CDK5RAP2: variants seen among roughly 807,000 people sequenced by gnomAD.
CDK5RAP2 encodes CDK5 regulatory subunit-associated protein 2.
CDK5RAP2 carries 147 observed loss-of-function variants against 232.9 expected under a neutral mutation model. The ratio of observed to expected loss-of-function variants is 0.63; its 90% CI spans 0.55 to 0.72. The LOEUF (loss-of-function observed/expected upper bound fraction) is 0.72, where lower values mean the gene tolerates loss of function less well. CDK5RAP2 is among the 30% of genes least tolerant of loss of function. The pLI is 0.00. For missense variants in CDK5RAP2, 2,195 were observed against 2,231.5 expected (o/e 0.98, Z 0.33); for synonymous variants, 833 against 833.7 (o/e 1.00, Z 0.01).
At chr9:120,463,765 T>G (rs1283244264) in intron 18 of CDK5RAP2, among the ~76,000 whole-genome samples, 1 of 152,232 alleles carries the variant, frequency 6.6e-6, no homozygotes, top group Non-Finnish European at 1.5e-5. Context: ...TCATTTCTCT[T>G]TACCTCTGCT....
At chr9:120,570,752 T>C (rs1239468740) in intron 2 of CDK5RAP2, among the ~76,000 whole-genome samples, 1 of 152,098 alleles carries the variant, frequency 6.6e-6, no homozygotes, top group African/African-American at 2.4e-5. Flanking sequence ...GGCAGAAGAA[T>C]TGCTTGAACC....
At position 120,439,833 on chromosome 9, in the gene CDK5RAP2, C is replaced by T. The variant is rs2131329380; in HGVS notation, c.3288G>A (p.Gly1096=). ...TATTAATGCTCTCTGACTGATCAGTCCCCATCACACTGACTTTAGCAGAAG... is the reference window on the plus strand; with the variant it reads ...TATTAATGCTCTCTGACTGATCAGTTCCCATCACACTGACTTTAGCAGAAG... ...SQPSAKVSVM[G]TDQSESINTS... is the part of the protein sequence containing the mutation. Residue 1096 remains glycine, a synonymous_variant, in exon 24 of 38, where the codon GGG becomes GGA. Transcript: ENST00000349780. 5 of 1,614,122 alleles carry T rather than the reference C, an allele frequency of 3.1e-6. No individual in the cohort carries two copies. The highest frequency in any genetic ancestry group is 1.7e-5 in the Admixed American group (1 of 60,002).
chr9:120,523,089 A>T (rs1188729570), intron 11 of CDK5RAP2, among the ~76,000 whole-genome samples: 2 of 152,222 alleles, frequency 1.3e-5, no homozygotes, highest in African/African-American at 4.8e-5. Flanking sequence ...AGCCAACCTG[A>T]CATGTATAAC....
At chr9:120,538,313 G>T (rs1228909584) in intron 6 of CDK5RAP2, among the ~76,000 whole-genome samples, 1 of 152,148 alleles carries the variant, frequency 6.6e-6, no homozygotes, top group East Asian at 1.9e-4. Context: ...AAGAACCAGA[G>T]TTTCAGGTAG....
intron 3 of CDK5RAP2, among the ~76,000 whole-genome samples, chr9:120,559,231 G>A (rs952443350): frequency 6.6e-6 from 1 of 152,164 alleles, no homozygotes; most frequent in Non-Finnish European, 1.5e-5. Context: ...GCTCACGCCT[G>A]TAATCCTAGC....
Position 120,491,340 on chromosome 9 carries a change from T to C in CDK5RAP2, c.1449A>G (p.Thr483=), listed in dbSNP as rs528171227. 9.3e-6 allele frequency: 15 copies of C among 1,613,724 alleles called. 1 individual carries two copies. The South Asian group carries it at 1.4e-4, about 15-fold the overall frequency. The change falls in exon 13 of 38, where the codon ACA becomes ACG. Residue 483 remains threonine, a synonymous_variant. Transcript: ENST00000349780. The part of the protein sequence containing the change: ...HNQEQVIKHL[T]ESTNQKDVLL... ...ACACGTCCTTCTGATTGGTACTTTC[T>C]GTTAGATGTTTGATCACTTGCTCTT...
chr9:120,534,544 C>A (rs146247051), intron 7 of CDK5RAP2, among the ~76,000 whole-genome samples: 345 of 152,272 alleles, frequency 2.3e-3, no homozygotes, highest in Non-Finnish European at 4.0e-3. Context: ...CTCCTTCTTA[C>A]ATTCTCATCA....
rs557961962 is a variant in CDK5RAP2, at chr9:120,437,188, G to A, written c.3955+107C>T. ...TCTGCTGTCACCTCATCAAGGCAGA[G>A]GGGTGAAAGATAACTAAGGCCAAGG... On this transcript the variant is annotated intron_variant, in intron 25 of 37. Transcript: ENST00000349780. 21 of 790,104 alleles carry A rather than the reference G, an allele frequency of 2.7e-5. No individual in the cohort carries two copies. The African/African-American group carries it at 3.1e-4, about 12-fold the overall frequency. The allele number at this position is 790,104 out of a possible 1,614,324, so 48.9% of individuals were successfully genotyped here.
chr9:120,510,706 A>G (rs913462610), intron 12 of CDK5RAP2, among the ~76,000 whole-genome samples: 1 of 152,196 alleles, frequency 6.6e-6, no homozygotes, highest in African/African-American at 2.4e-5. Flanking sequence ...AGGACACTTT[A>G]AACATCCCAG....
chr9:120,539,227 C>A, intron 5 of CDK5RAP2, 63 bp from the exon 6 acceptor site: 1 of 1,602,718 alleles, frequency 6.2e-7, no homozygotes, highest in East Asian at 2.2e-5. Flanking sequence ...ATTTCACAGC[C>A]CCAAAGAGAC....
At chr9:120,527,245 C>G (rs1328212639) in intron 10 of CDK5RAP2, among the ~76,000 whole-genome samples, 1 of 152,230 alleles carries the variant, frequency 6.6e-6, no homozygotes, top group African/African-American at 2.4e-5. Context: ...ACGCAACACT[C>G]AGGCAGCTCT....
rs115040854 is a variant in CDK5RAP2 at position 120,544,099 on chromosome 9, G to A, written c.383+1615C>T. ...ATTTTCTGAATAAACGAATAAAGCT[G>A]GTCAGACCACACAACCCTGAGCAGT... On this transcript the variant is annotated intron_variant, in intron 5 of 37. Coordinates refer to ENST00000349780, the MANE Select transcript of CDK5RAP2 (RefSeq NM_018249.6). 8.5e-3 allele frequency among the ~76,000 whole-genome samples: 1,296 copies of A among 152,192 alleles called. 16 individuals are homozygous for A. Among genetic ancestry groups the A allele is most frequent in the African/African-American group, 0.029 (1,209 of 41,504 alleles).
chr9:120,557,678 G>A (rs2042281939), intron 3 of CDK5RAP2, among the ~76,000 whole-genome samples: 1 of 151,850 alleles, frequency 6.6e-6, no homozygotes. Flanking sequence ...AGGATCACTT[G>A]AGGCCAGGAG....
chr9:120,573,327 T>A (rs2042919376), intron 1 of CDK5RAP2, among the ~76,000 whole-genome samples: 1 of 152,146 alleles, frequency 6.6e-6, no homozygotes, highest in Non-Finnish European at 1.5e-5. Flanking sequence ...GGCTGGTGCA[T>A]CACTTGAGAT....
At chr9:120,499,973 CA>C (rs1021477352) in intron 12 of CDK5RAP2, among the ~76,000 whole-genome samples, 1 of 151,748 alleles carries the variant, frequency 6.6e-6, no homozygotes, top group African/African-American at 2.4e-5. Flanking sequence ...AACAATTAAA[CA>C]AAAAGAAAAG....
chr9:120,518,539 C>G lies in CDK5RAP2; in HGVS notation c.1199G>C (p.Ser400Thr). 1 of 1,613,764 alleles carries G rather than the reference C, an allele frequency of 6.2e-7. No homozygotes were observed. The highest frequency in any genetic ancestry group is 8.5e-7 in the Non-Finnish European group (1 of 1,179,980). ...CAGCTCCTGGGTGATCTTCTTAATG[C>G]TTCTACGCAGTCTGTGGTTCTCTGT... ...KSTENHRLRR[S>T]IKKITQELSD... The change falls in exon 12 of 38, where the codon AGC (serine) becomes ACC (threonine). Residue 400 changes from serine to threonine, a missense_variant. By Grantham distance (58) the Ser-to-Thr change is moderately conservative. Coordinates refer to ENST00000349780, the MANE Select transcript of CDK5RAP2 (RefSeq NM_018249.6).
chr9:120,467,651 G>C (rs979130965), intron 18 of CDK5RAP2, among the ~76,000 whole-genome samples: 4 of 152,008 alleles, frequency 2.6e-5, no homozygotes, highest in Non-Finnish European at 4.4e-5. Flanking sequence ...ATATGGTTTT[G>C]ATGGTTTTTT....
intron 11 of CDK5RAP2, among the ~76,000 whole-genome samples, chr9:120,519,353 G>A (rs4471119): frequency 0.97 from 147,275 of 152,220 alleles, 71,412 homozygotes; most frequent in East Asian, 1. Flanking sequence ...AGTCATTTTT[G>A]AATGGTAGAA....
chr9:120,443,522 A>G (rs1230269465), intron 23 of CDK5RAP2, 98 bp downstream of exon 23: 1 of 1,320,902 alleles, frequency 7.6e-7, no homozygotes, highest in African/African-American at 1.4e-5. Flanking sequence ...ATGCCCTGAG[A>G]GGGCTGCTAT....
Sources: allele counts gnomAD v4.1 joint callset (sites outside exome capture counted in the v4.1 genomes callset), GRCh38; gene constraint gnomAD v4.1.1; transcripts MANE v1.5; gene names NCBI Gene and HGNC (gene_info 2026-07-23, HGNC 2026-07-21).